The following EFL1 variants were observed in gnomAD, a reference collection of about 807,000 sequenced individuals.
EFL1 encodes the protein elongation factor-like GTPase 1.
EFL1 carries 76 observed loss-of-function variants against 126.7 expected under a neutral mutation model. The ratio of observed to expected loss-of-function variants is 0.60; its 90% CI spans 0.50 to 0.73. EFL1 has a LOEUF of 0.73. EFL1 is among the 30% of genes least tolerant of loss of function. The pLI, the probability that EFL1 is intolerant of heterozygous loss-of-function variation, is 0.00. For missense variants in EFL1, 1,128 were observed against 1,343.2 expected, an observed-to-expected ratio of 0.84 and a Z score of 2.50; for synonymous variants, 410 against 448.4, an observed-to-expected ratio of 0.91 and a Z score of 1.08.
intron 15 of EFL1, among the ~76,000 whole-genome samples, chr15:82,211,294 A>G (rs1304532308): frequency 6.6e-6 from 1 of 151,598 alleles, no homozygotes; most frequent in Non-Finnish European, 1.5e-5. Flanking sequence ...TGGGAGGCCG[A>G]GGCAGGCAGA....
At chr15:82,236,881 T>G (rs1303274662) in intron 7 of EFL1, among the ~76,000 whole-genome samples, 1 of 152,206 alleles carries the variant, frequency 6.6e-6, no homozygotes, top group Non-Finnish European at 1.5e-5. Flanking sequence ...CAGTGGCTCA[T>G]GCCTGTAATC....
chr15:82,233,845 G>C (rs918451475), intron 7 of EFL1: 10 of 152,148 alleles, frequency 6.6e-5, no homozygotes, highest in African/African-American at 2.4e-4. Context: ...TCCACCTTTT[G>C]TGACACATGC....
At chr15:82,192,593 A>G (rs2074370290) in intron 15 of EFL1, among the ~76,000 whole-genome samples, 1 of 152,168 alleles carries the variant, frequency 6.6e-6, no homozygotes, top group Non-Finnish European at 1.5e-5. Context: ...CTTAACCAAG[A>G]GCTTTAATAA....
chr15:82,197,010 C>T (rs911584276), intron 15 of EFL1, among the ~76,000 whole-genome samples: 4 of 147,156 alleles, frequency 2.7e-5, no homozygotes, highest in Admixed American at 1.4e-4. Flanking sequence ...CCAGCTTGGG[C>T]GACAGAGCAA....
At chr15:82,156,715 A>G (rs2073972127) in intron 17 of EFL1, among the ~76,000 whole-genome samples, 3 of 152,242 alleles carry the variant, frequency 2.0e-5, no homozygotes, top group Admixed American at 6.5e-5. Context: ...ATATATGACT[A>G]TATCAATCAT....
intron 3 of EFL1, among the ~76,000 whole-genome samples, chr15:82,258,739 T>C (rs1276150876): frequency 1.3e-5 from 2 of 152,196 alleles, no homozygotes; most frequent in African/African-American, 4.8e-5. Context: ...CAAATTAGCC[T>C]TTATCCGTCT....
Position 82,228,318 on chromosome 15 carries a change from G to C in EFL1, c.942C>G (p.Asp314Glu), listed in dbSNP as rs779193332. The C allele has an allele frequency of 2.0e-5, 32 of 1,613,348 alleles. No homozygotes were observed. The highest frequency in any genetic ancestry group is 2.3e-5 in the Non-Finnish European group (27 of 1,179,788). ...LYDAVLKKDK[D>E]KIDKIVTSLG... ...AAGAAGTCACTATTTTATCAATTTT[G>C]TCTTTGTCCCTGTGGTAAACACAAG... The change falls in exon 10 of 20, where the codon GAC becomes GAG. Residue 314 changes from aspartate (D) to glutamate (E), a missense_variant. By Grantham distance (45) the Asp-to-Glu change is conservative. Transcript: ENST00000268206.
intron 5 of EFL1, 21 bp from the exon 6 acceptor site, chr15:82,240,576 A>G (rs1318166301): frequency 9.9e-6 from 16 of 1,610,204 alleles, no homozygotes; most frequent in African/African-American, 1.3e-5. Context: ...CAGAAAGAAA[A>G]ATGTAAAACT....
intron 15 of EFL1, among the ~76,000 whole-genome samples, chr15:82,171,449 T>G (rs1404892701): frequency 6.6e-6 from 1 of 152,164 alleles, no homozygotes; most frequent in African/African-American, 2.4e-5. Flanking sequence ...GGGGCAACAG[T>G]GGCAGACAGG....
At chr15:82,194,330 ATACT>A (rs1233677298) in intron 15 of EFL1, among the ~76,000 whole-genome samples, 1 of 152,214 alleles carries the variant, frequency 6.6e-6, no homozygotes, top group Non-Finnish European at 1.5e-5. Flanking sequence ...AGATTACTAA[ATACT>A]GCCAGAGACA....
At chr15:82,259,243 G>T in intron 2 of EFL1, 88 bp from the exon 3 acceptor site, 1 of 1,214,296 alleles carries the variant, frequency 8.2e-7, no homozygotes, top group Non-Finnish European at 1.2e-6. Context: ...CTGGTCATAA[G>T]AATTGGTTTA....
chr15:82,132,410 C>A (rs1032444479), intron 19 of EFL1, among the ~76,000 whole-genome samples: 2 of 151,856 alleles, frequency 1.3e-5, no homozygotes, highest in Non-Finnish European at 2.9e-5. Flanking sequence ...CCATTATCAG[C>A]GAACCAAAAA....
rs143292859 is a variant in EFL1, at chr15:82,254,926, T to C, written c.160-2151A>G. On this transcript the variant is annotated intron_variant, in intron 3 of 19. Transcript: ENST00000268206. Reference sequence around the variant, plus strand: ...CTGATGTACTTCAAGGTCTAGAGAATGAGATGTAGACCTTCAACTGGTGGG... The same window carrying C: ...CTGATGTACTTCAAGGTCTAGAGAACGAGATGTAGACCTTCAACTGGTGGG... 7.9e-5 allele frequency among the ~76,000 whole-genome samples: 12 copies of C among 152,272 alleles called. No individual in the cohort carries two copies. In the East Asian group the frequency reaches 2.3e-3, roughly 29 times the overall value.
rs1299472671 is a variant in EFL1 at position 82,133,072 on chromosome 15, T to C, written c.3175-2511A>G. The stretch of plus-strand genomic sequence containing the variant: ...CCCAGGGTGAGGGTAGGTGTAGCTA[T>C]GTAGGGGGAGCATGAGGGAGCCTGT... On this transcript the variant is annotated intron_variant, in intron 19 of 19. Transcript: ENST00000268206. Among the ~76,000 whole-genome samples, 3 of 152,116 alleles carry C rather than the reference T, an allele frequency of 2.0e-5. No homozygotes were observed. The South Asian group carries it at 6.2e-4, about 32-fold the overall frequency.
chr15:82,194,918 A>G (rs2074394181), intron 15 of EFL1, among the ~76,000 whole-genome samples: 2 of 152,228 alleles, frequency 1.3e-5, no homozygotes, highest in South Asian at 4.1e-4. Flanking sequence ...GATGAATACA[A>G]AGAACAAAAC....
In EFL1 at chr15:82,240,453, C is replaced by T; in HGVS notation, c.481G>A (p.Glu161Lys). The stretch of plus-strand genomic sequence containing the variant: ...ATATTCTTGAGGTGAGAATAGGCCT[C>T]TTGTGGGGTGAATTTCAGTTCCACT... ...LIVELKFTPQEAYSHLKNILE... is the reference protein window; with the variant it reads ...LIVELKFTPQKAYSHLKNILE... Residue 161 changes from glutamate to lysine, a missense_variant, in exon 6 of 20, where the codon GAG becomes AAG. By Grantham distance (56) the Glu-to-Lys change is moderately conservative (BLOSUM62 1). This residue lies in a region of EFL1 where 316 missense variants were observed against 318.5 expected (regional missense o/e 0.99). Coordinates refer to ENST00000268206, the MANE Select transcript of EFL1 (RefSeq NM_024580.6). 1 of 1,612,566 alleles carries T rather than the reference C, an allele frequency of 6.2e-7. No individual in the cohort carries two copies.
chr15:82,185,512 T>C (rs1163651130), intron 15 of EFL1, among the ~76,000 whole-genome samples: 1 of 152,102 alleles, frequency 6.6e-6, no homozygotes, highest in Non-Finnish European at 1.5e-5. Context: ...TTTTTACTTT[T>C]ATGGCAAAAA....
At chr15:82,202,752 T>C (rs1433092521) in intron 15 of EFL1, among the ~76,000 whole-genome samples, 1 of 152,028 alleles carries the variant, frequency 6.6e-6, no homozygotes, top group Non-Finnish European at 1.5e-5. Context: ...CTCAATTATA[T>C]GGGATAAATT....
intron 1 of EFL1, chr15:82,262,021 G>A: frequency 2.5e-6 from 1 of 406,556 alleles, no homozygotes; most frequent in Non-Finnish European, 4.4e-6. Context: ...CATCCTTCCG[G>A]ATCCAAAGGC....
Sources: allele counts gnomAD v4.1 joint callset (sites outside exome capture counted in the v4.1 genomes callset), GRCh38; gene constraint gnomAD v4.1.1; regional missense constraint gnomAD v4.1.1; transcripts MANE v1.5; gene names NCBI Gene and HGNC (gene_info 2026-07-23, HGNC 2026-07-21).